The following PODXL variants were observed in gnomAD, a reference collection of about 807,000 sequenced individuals.
The protein encoded by PODXL is podocalyxin.
Under a neutral mutation model 48.9 loss-of-function variants are expected in PODXL, and 20 were observed. The ratio of observed to expected loss-of-function variants is 0.41; its 90% CI spans 0.29 to 0.59. The LOEUF (loss-of-function observed/expected upper bound fraction) is 0.59, where lower values mean the gene tolerates loss of function less well. PODXL is among the 20% of genes least tolerant of loss of function. The pLI, the probability that PODXL is intolerant of heterozygous loss-of-function variation, is 0.31. For missense variants in PODXL, 606 were observed against 675.1 expected, an observed-to-expected ratio of 0.90 and a Z score of 1.13; for synonymous variants, 295 against 287.4, an observed-to-expected ratio of 1.03 and a Z score of -0.27.
chr7:131,525,671 GAA>G (rs1305346356), intron 1 of PODXL, among the ~76,000 whole-genome samples: 3 of 151,832 alleles, frequency 2.0e-5, no homozygotes, highest in Admixed American at 6.6e-5. Context: ...TTGACTCTGG[GAA>G]AGTTTTTTTT....
intron 3 of PODXL, 56 bp from the exon 4 acceptor site, chr7:131,509,641 A>G (rs1797876545): frequency 8.4e-7 from 1 of 1,192,932 alleles, no homozygotes; most frequent in African/African-American, 1.5e-5. Context: ...TTGCGAGAAG[A>G]GGACAATCTT....
intron 1 of PODXL, among the ~76,000 whole-genome samples, chr7:131,522,970 G>A (rs1411813459): frequency 1.3e-5 from 2 of 152,168 alleles, no homozygotes; most frequent in Non-Finnish European, 2.9e-5. Context: ...GGGCTATTAT[G>A]CATAATGCTG....
intron 4 of PODXL, 114 bp downstream of exon 4, chr7:131,509,251 C>A: frequency 2.2e-6 from 2 of 926,336 alleles, no homozygotes; most frequent in South Asian, 1.4e-5. Context: ...GTAAGTGCTG[C>A]TCAAAGCCCC....
At chr7:131,511,800 A>G (rs908522879) in intron 1 of PODXL, among the ~76,000 whole-genome samples, 3 of 152,144 alleles carry the variant, frequency 2.0e-5, no homozygotes, top group Non-Finnish European at 4.4e-5. Flanking sequence ...GGGTCAGAAA[A>G]GCAAAATTCT....
At position 131,545,107 on chromosome 7, in the gene PODXL, G is replaced by A. The variant is rs529556030; in HGVS notation, c.100+11153C>T. Among the ~76,000 whole-genome samples the A allele has an allele frequency of 6.6e-5, 10 of 152,276 alleles. No individual in the cohort carries two copies. The East Asian group carries it at 1.9e-3, about 29-fold the overall frequency. ...AGGAAAGAGCCAGCCACAGGCAACC[G>A]GCAAACAATGTCTGCCCCCATCTGG... is the stretch of plus-strand genomic sequence containing the variant. On this transcript the variant is annotated intron_variant, in intron 1 of 8. Transcript: ENST00000378555.
chr7:131,509,605 G>A lies in PODXL; in HGVS notation c.803-20C>T. ...ATGACGCTGTCATTGGGAAAACGAG[G>A]GTAATGAGAAAAGATGAGTGCACCC... On this transcript the variant is annotated intron_variant, in intron 3 of 8. Transcript: ENST00000378555. The A allele has an allele frequency of 6.7e-7, 1 of 1,487,898 alleles. No individual in the cohort carries two copies. Among genetic ancestry groups the A allele is most frequent in the Non-Finnish European group, 9.0e-7 (1 of 1,106,264 alleles). The allele number at this position is 1,487,898 out of a possible 1,614,324, so 92.2% of individuals were successfully genotyped here. A position where few individuals can be genotyped will look rare whatever the true frequency, so the allele number is the denominator to read the frequency against.
intron 1 of PODXL, among the ~76,000 whole-genome samples, chr7:131,546,725 CAAAAAA>C (rs10593482): frequency 1.0e-4 from 5 of 50,118 alleles, no homozygotes; most frequent in African/African-American, 2.8e-4. Flanking sequence ...GGCCCTGTCT[CAAAAAA>C]AAAAAAAAAA....
At chr7:131,537,536 TGAGCCGA>T (rs969466447) in intron 1 of PODXL, among the ~76,000 whole-genome samples, 1 of 151,960 alleles carries the variant, frequency 6.6e-6, no homozygotes, top group African/African-American at 2.4e-5. Context: ...GAGGTTGCAG[TGAGCCGA>T]GATTACACCA....
Position 131,511,444 on chromosome 7 carries a change from A to G in PODXL, c.101-11T>C, listed in dbSNP as rs771867901. ...TAGTAGTCTGGGTTGCTGTTTGTAAAGATAACAGAGAATGGAGTTAGGGCT... is the reference window on the plus strand; with the variant it reads ...TAGTAGTCTGGGTTGCTGTTTGTAAGGATAACAGAGAATGGAGTTAGGGCT... On this transcript the variant is annotated splice_polypyrimidine_tract_variant and intron_variant, in intron 1 of 8. Transcript: ENST00000378555. The G allele has an allele frequency of 6.3e-7, 1 of 1,599,664 alleles. No individual in the cohort carries two copies. The highest frequency in any genetic ancestry group is 8.5e-7 in the Non-Finnish European group (1 of 1,179,810).
At chr7:131,508,462 TC>T (rs1190905439) in intron 5 of PODXL, among the ~76,000 whole-genome samples, 3 of 152,134 alleles carry the variant, frequency 2.0e-5, no homozygotes, top group Admixed American at 6.5e-5. Flanking sequence ...TTCCTATGTT[TC>T]CCAGGCTGGT....
At position 131,507,671 on chromosome 7, in the gene PODXL, A is replaced by G. The variant is rs3800687; in HGVS notation, c.1102-945T>C. Among the ~76,000 whole-genome samples the G allele has an allele frequency of 1.4e-3, 120 of 88,374 alleles. 1 individual carries two copies. Among genetic ancestry groups the G allele is most frequent in the Middle Eastern group, 4.4e-3 (1 of 228 alleles). The allele number at this position is 88,374 out of a possible 152,430, so 58.0% of individuals were successfully genotyped here. ...CCATCTTCCTTTTCTAGCAAAGGGAAAAAAAAAAAAAGTGTCTCACAACAA... is the reference window on the plus strand; with the variant it reads ...CCATCTTCCTTTTCTAGCAAAGGGAGAAAAAAAAAAAGTGTCTCACAACAA... On this transcript the variant is annotated intron_variant, in intron 5 of 8. Transcript: ENST00000378555.
chr7:131,526,507 G>GA (rs35150183), intron 1 of PODXL, among the ~76,000 whole-genome samples: 78,435 of 144,878 alleles, frequency 0.54, 24,130 homozygotes, highest in Admixed American at 0.69. Flanking sequence ...GCATTTTACA[G>GA]AAAAAAAAAA....
intron 8 of PODXL, 82 bp from the exon 9 acceptor site, chr7:131,504,590 C>T (rs1052149588): frequency 8.8e-7 from 1 of 1,135,508 alleles, no homozygotes. Context: ...ACCCCTCCCA[C>T]TCAGGAGCCC....
chr7:131,508,492 A>G (rs761475819), intron 5 of PODXL, among the ~76,000 whole-genome samples: 1 of 152,132 alleles, frequency 6.6e-6, no homozygotes, highest in Non-Finnish European at 1.5e-5. Context: ...TCTGGCCTCA[A>G]GCAAACTTCC....
chr7:131,520,720 A>G (rs1231975990), intron 1 of PODXL, among the ~76,000 whole-genome samples: 1 of 152,262 alleles, frequency 6.6e-6, no homozygotes, highest in East Asian at 1.9e-4. Context: ...TCGTCCATCA[A>G]CAAAACATGA....
chr7:131,537,588 G>GCCCCCC, intron 1 of PODXL, among the ~76,000 whole-genome samples: 1 of 132,882 alleles, frequency 7.5e-6, no homozygotes, highest in African/African-American at 2.9e-5. Context: ...GCAAGACTCC[G>GCCCCCC]CCCCACCCCA....
chr7:131,504,521 AG>A lies in PODXL; in HGVS notation c.1480-14del, dbSNP rs1562901352. 6.2e-7 allele frequency: 1 copy of A among 1,613,218 alleles called. No homozygotes were observed. Among genetic ancestry groups the A allele is most frequent in the Non-Finnish European group, 8.5e-7 (1 of 1,179,170 alleles). On this transcript the variant is annotated splice_polypyrimidine_tract_variant and intron_variant, in intron 8 of 8. Coordinates refer to ENST00000378555, the MANE Select transcript of PODXL (RefSeq NM_001018111.3). ...CTGTTAGCCGCTGCTAGAGTGGGGA[AG>A]GTGACCGGTGAGAAGGGGGTTTCAG...
chr7:131,539,893 C>T (rs1486773329), intron 1 of PODXL, among the ~76,000 whole-genome samples: 1 of 152,172 alleles, frequency 6.6e-6, no homozygotes, highest in African/African-American at 2.4e-5. Context: ...ATGACACCTC[C>T]TAAGAGCAGT....
Position 131,504,298 on chromosome 7 carries a change from C to G in PODXL, c.*13G>C. 1 of 1,612,638 alleles carries G rather than the reference C, an allele frequency of 6.2e-7. No homozygotes were observed. Among genetic ancestry groups the G allele is most frequent in the Non-Finnish European group, 8.5e-7 (1 of 1,179,000 alleles). On this transcript the variant is annotated 3_prime_UTR_variant, in exon 9 of 9. Transcript: ENST00000378555. ...AGCTCTGTGGTGCTGCTGGAGGCCA[C>G]CGGCAGACCGGACTAGAGGTGTGTG...
Sources: allele counts gnomAD v4.1 joint callset (sites outside exome capture counted in the v4.1 genomes callset), GRCh38; gene constraint gnomAD v4.1.1; transcripts MANE v1.5; gene names NCBI Gene and HGNC (gene_info 2026-07-23, HGNC 2026-07-21).